DSP: variants seen among roughly 807,000 people sequenced by gnomAD.
The protein encoded by DSP is desmoplakin.
A neutral mutation model predicts 290.6 loss-of-function variants in DSP; 114 were observed. That is an observed-to-expected ratio of 0.39 (90% CI 0.34 to 0.46). DSP has a LOEUF of 0.46. Among genes scored for constraint, DSP ranks in the 20% least tolerant of loss-of-function variants. The probability of loss-of-function intolerance (pLI) is 0.99; values close to 1 mark genes in which losing one functional copy is unlikely to be tolerated. For missense variants in DSP, 3,230 were observed against 3,495.8 expected, an observed-to-expected ratio of 0.92 and a Z score of 1.92; for synonymous variants, 1,311 against 1,316.4, an observed-to-expected ratio of 1.00 and a Z score of 0.09.
chr6:7,549,895 A>T (rs1758282599), intron 1 of DSP, among the ~76,000 whole-genome samples: 1 of 152,222 alleles, frequency 6.6e-6, no homozygotes, highest in Non-Finnish European at 1.5e-5. Context: ...TTATAAAAGT[A>T]TTTTTATAAA....
intron 4 of DSP, among the ~76,000 whole-genome samples, chr6:7,559,675 C>CT (rs1361909677): frequency 6.6e-6 from 1 of 152,114 alleles, no homozygotes; most frequent in Non-Finnish European, 1.5e-5. Context: ...AGTTAGTAGA[C>CT]TTTGAATATC....
At chr6:7,577,297 G>T (rs1410626423) in intron 20 of DSP, among the ~76,000 whole-genome samples, 2 of 152,268 alleles carry the variant, frequency 1.3e-5, no homozygotes, top group Middle Eastern at 3.4e-3. Context: ...AGCATACAAA[G>T]ATGTACTGCT....
chr6:7,563,050 G>C (rs573926955), intron 5 of DSP, among the ~76,000 whole-genome samples: 1 of 152,332 alleles, frequency 6.6e-6, no homozygotes, highest in African/African-American at 2.4e-5. Flanking sequence ...AGGGGTGGCA[G>C]TTTGTTTCTG....
In DSP at chr6:7,585,185, C is replaced by T. The variant is rs773906008; in HGVS notation, c.7923C>T (p.Ile2641=). 44 of 1,614,044 alleles carry T rather than the reference C, an allele frequency of 2.7e-5. No homozygotes were observed. Among genetic ancestry groups the T allele is most frequent in the Non-Finnish European group, 3.6e-5 (42 of 1,180,052 alleles). The change falls in exon 24 of 24, where the codon ATC becomes ATT. Residue 2641 remains isoleucine, a synonymous_variant. Coordinates refer to ENST00000379802, the MANE Select transcript of DSP (RefSeq NM_004415.4). ...TTACAGAAGGTATAGAGCGGGGCATCGTTGACAGCATCACGGGTCAGAGGC... is the reference window on the plus strand; with the variant it reads ...TTACAGAAGGTATAGAGCGGGGCATTGTTGACAGCATCACGGGTCAGAGGC... ...ISITEGIERG[I]VDSITGQRLL...
At position 7,575,321 on chromosome 6, in the gene DSP, G is replaced by A; in HGVS notation, c.2463G>A (p.Lys821=). The A allele has an allele frequency of 6.2e-7, 1 of 1,613,636 alleles. No individual in the cohort carries two copies. The highest frequency in any genetic ancestry group is 8.5e-7 in the Non-Finnish European group (1 of 1,179,968). Residue 821 remains lysine, a synonymous_variant, in exon 18 of 24, where the codon AAG becomes AAA. Coordinates refer to ENST00000379802, the MANE Select transcript of DSP (RefSeq NM_004415.4). The part of the protein sequence containing the change: ...LKKIKNDLNL[K]KSLLATMKTE... ...AAATAAAAAATGACTTGAACTTGAA[G>A]AAGTCGTTGTTGGCCACTATGAAGA...
At chr6:7,554,974 C>CT (rs1211122006) in intron 1 of DSP, among the ~76,000 whole-genome samples, 1 of 152,104 alleles carries the variant, frequency 6.6e-6, no homozygotes, top group African/African-American at 2.4e-5. Context: ...GTAGAGTAAG[C>CT]TTTTTTCTCC....
At chr6:7,554,441 C>T (rs12195095) in intron 1 of DSP, among the ~76,000 whole-genome samples, 17,872 of 152,174 alleles carry the variant, frequency 0.12, 1,376 homozygotes, top group Non-Finnish European at 0.17. Flanking sequence ...AAGGTTTCTG[C>T]TAGGTGTCTT....
intron 15 of DSP, 45 bp from the exon 16 acceptor site, chr6:7,574,041 A>C: frequency 6.2e-7 from 1 of 1,605,886 alleles, no homozygotes; most frequent in Non-Finnish European, 8.5e-7. Flanking sequence ...TACAGTAATA[A>C]AAAGAATCAG....
chr6:7,564,283 G>A (rs559766337), intron 6 of DSP, among the ~76,000 whole-genome samples: 5 of 152,344 alleles, frequency 3.3e-5, no homozygotes, highest in South Asian at 4.1e-4. Flanking sequence ...CTACCAGATC[G>A]TCATCACAAT....
At position 7,542,037 on chromosome 6, in the gene DSP, A is replaced by G. The variant is rs1313805843; in HGVS notation, c.122A>G (p.Tyr41Cys). The G allele has an allele frequency of 2.5e-6, 4 of 1,578,290 alleles. No homozygotes were observed. The Admixed American group carries it at 5.5e-5, about 22-fold the overall frequency. Residue 41 changes from tyrosine (Y) to cysteine (C), a missense_variant, in exon 1 of 24, where the codon TAC (tyrosine) becomes TGC (cysteine). By Grantham distance (194) the Tyr-to-Cys change is radical. Coordinates refer to ENST00000379802, the MANE Select transcript of DSP (RefSeq NM_004415.4). ...TSGGGGTSRM[Y>C]YSRRGVITDQ... ...GGCGGCGGGGGCACCAGCAGGATGTACTATTCTCGGCGCGGCGTGATCACC... is the reference window on the plus strand; with the variant it reads ...GGCGGCGGGGGCACCAGCAGGATGTGCTATTCTCGGCGCGGCGTGATCACC...
In DSP at chr6:7,576,942, T is replaced by G; in HGVS notation, c.2794-17T>G. The G allele has an allele frequency of 6.2e-7, 1 of 1,607,166 alleles. No homozygotes were observed. ...TTGTATGCATTAACATTGGTAAATA[T>G]TTCACTTTTTGTATAGAACTTGCAC... On this transcript the variant is annotated splice_polypyrimidine_tract_variant and intron_variant, in intron 19 of 23. Transcript: ENST00000379802.
At chr6:7,553,246 A>G (rs1157400094) in intron 1 of DSP, among the ~76,000 whole-genome samples, 4 of 152,162 alleles carry the variant, frequency 2.6e-5, no homozygotes, top group Admixed American at 6.5e-5. Flanking sequence ...CGGGGATTAC[A>G]GGCGTGCCCC....
rs1461806460 is a variant in DSP at position 7,585,370 on chromosome 6, G to A, written c.8108G>A (p.Gly2703Glu). 3 of 1,614,114 alleles carry A rather than the reference G, an allele frequency of 1.9e-6. No individual in the cohort carries two copies. Among genetic ancestry groups the A allele is most frequent in the Non-Finnish European group, 2.5e-6 (3 of 1,179,966 alleles). Residue 2703 changes from glycine (G) to glutamate (E), a missense_variant, in exon 24 of 24, where the codon GGA (glycine) becomes GAA (glutamate). By Grantham distance (98) the Gly-to-Glu change is moderately conservative. Coordinates refer to ENST00000379802, the MANE Select transcript of DSP (RefSeq NM_004415.4). ...KAFIGFEGVKGKKKMSAAEAV... is the reference protein window; with the variant it reads ...KAFIGFEGVKEKKKMSAAEAV... ...TTCATAGGCTTCGAGGGTGTGAAGG[G>A]AAAGAAGAAGATGTCAGCAGCAGAG... is the stretch of plus-strand genomic sequence containing the variant.
chr6:7,554,414 A>G (rs997963463), intron 1 of DSP, among the ~76,000 whole-genome samples: 2 of 152,162 alleles, frequency 1.3e-5, no homozygotes, highest in Admixed American at 1.3e-4. Flanking sequence ...ATTTTCCGCC[A>G]ACACCACCGT....
intron 2 of DSP, 34 bp from the exon 3 acceptor site, chr6:7,558,082 A>G (rs897052689): frequency 6.2e-6 from 10 of 1,613,718 alleles, no homozygotes; most frequent in Middle Eastern, 1.6e-4. Flanking sequence ...TCCTGGTAGT[A>G]TGTGTTTTCC....
At position 7,568,309 on chromosome 6, in the gene DSP, A is replaced by AT. The variant is rs1319250268; in HGVS notation, c.1267-122dup. The AT allele has an allele frequency of 1.8e-4, 199 of 1,096,450 alleles. 1 individual carries two copies. Among genetic ancestry groups the AT allele is most frequent in the Non-Finnish European group, 2.4e-4 (177 of 741,342 alleles). The allele number at this position is 1,096,450 out of a possible 1,614,324, so 67.9% of individuals were successfully genotyped here. On this transcript the variant is annotated intron_variant, in intron 10 of 23. Coordinates refer to ENST00000379802, the MANE Select transcript of DSP (RefSeq NM_004415.4). ...CATGTTTCCTGCCGACGAATTTGTGATTTTTTACAATTGATGCAACTGCAG... is the reference window on the plus strand; with the variant it reads ...CATGTTTCCTGCCGACGAATTTGTGATTTTTTTACAATTGATGCAACTGCAG...
At position 7,574,266 on chromosome 6, in the gene DSP, AC is replaced by A. The variant is rs1298694395; in HGVS notation, c.2297+15del. On this transcript the variant is annotated intron_variant, in intron 16 of 23. Transcript: ENST00000379802. ...CTACTTAAATAGGTAAACTCAGCTA[AC>A]ACTAATCTCATATTTTCCTTTTCTC... 4 of 1,612,292 alleles carry A rather than the reference AC, an allele frequency of 2.5e-6. No individual in the cohort carries two copies. In the African/African-American group the frequency reaches 5.3e-5, roughly 22 times the overall value.
intron 9 of DSP, 135 bp downstream of exon 9, chr6:7,567,584 G>A (rs1190790654): frequency 9.0e-7 from 1 of 1,110,026 alleles, no homozygotes; most frequent in African/African-American, 1.5e-5. Flanking sequence ...GTGCAGAGTA[G>A]CATAGATTTG....
rs1759062316 is a variant in DSP at position 7,571,808 on chromosome 6, C to T, written c.1904-34C>T. 3.1e-6 allele frequency: 5 copies of T among 1,601,814 alleles called. No individual in the cohort carries two copies. In the African/African-American group the frequency reaches 5.3e-5, roughly 17 times the overall value. On this transcript the variant is annotated intron_variant, in intron 14 of 23. Transcript: ENST00000379802. ...CCTAGCACCTTGATACCTAGGTATTCTCTGATTTTTGTGGCCCTAACTTCT... is the reference window on the plus strand; with the variant it reads ...CCTAGCACCTTGATACCTAGGTATTTTCTGATTTTTGTGGCCCTAACTTCT...
Sources: gnomAD v4.1 joint callset for allele counts (sites outside exome capture counted in the v4.1 genomes callset) on GRCh38, gnomAD v4.1.1 for gene constraint, MANE v1.5 for transcripts, NCBI Gene and HGNC (gene_info 2026-07-23, HGNC 2026-07-21) for gene names.